HMOX2: variants seen among roughly 807,000 people sequenced by gnomAD.
The protein encoded by HMOX2 is heme oxygenase (decycling) 2.
Under a neutral mutation model 33.7 loss-of-function variants are expected in HMOX2, and 30 were observed. The observed-to-expected ratio is 0.89, with a 90% CI of 0.67 to 1.21. HMOX2 has a LOEUF of 1.21. HMOX2 is among the 50% of genes most tolerant of loss of function. HMOX2 has a pLI of 0.00. For missense variants in HMOX2, 403 were observed against 399.1 expected (o/e 1.01, Z -0.08); for synonymous variants, 155 against 155.0 (o/e 1.00, Z 0.00).
At chr16:4,489,182 G>A (rs1275841792) in intron 1 of HMOX2, among the ~76,000 whole-genome samples, 4 of 152,166 alleles carry the variant, frequency 2.6e-5, no homozygotes, top group Non-Finnish European at 5.9e-5. Flanking sequence ...GCCAGTTTAA[G>A]ACCAATGTAA....
chr16:4,478,634 G>C (rs919490995), intron 1 of HMOX2, among the ~76,000 whole-genome samples: 1 of 151,832 alleles, frequency 6.6e-6, no homozygotes, highest in Admixed American at 6.6e-5. Context: ...GCATGGTGGT[G>C]TGTGCCTGTA....
chr16:4,498,512 C>G (rs904823704), intron 1 of HMOX2, among the ~76,000 whole-genome samples: 4 of 151,840 alleles, frequency 2.6e-5, no homozygotes, highest in African/African-American at 9.7e-5. Flanking sequence ...GTGGTTGGGA[C>G]TACAGGTGTG....
At chr16:4,490,280 G>C (rs943048625) in intron 1 of HMOX2, among the ~76,000 whole-genome samples, 3 of 152,158 alleles carry the variant, frequency 2.0e-5, no homozygotes, top group African/African-American at 7.2e-5. Flanking sequence ...GAGCTGTTCT[G>C]ACTGAAGCAG....
intron 1 of HMOX2, among the ~76,000 whole-genome samples, chr16:4,489,193 T>G (rs1462027794): frequency 6.6e-6 from 1 of 152,180 alleles, no homozygotes; most frequent in Non-Finnish European, 1.5e-5. Context: ...ACCAATGTAA[T>G]GCAGCATTTT....
At chr16:4,481,324 G>C (rs2058024738) in intron 1 of HMOX2, among the ~76,000 whole-genome samples, 2 of 148,374 alleles carry the variant, frequency 1.3e-5, no homozygotes. Flanking sequence ...GCTCCAGCCT[G>C]GGAGACAGAG....
intron 1 of HMOX2, among the ~76,000 whole-genome samples, chr16:4,490,638 C>T (rs1195298607): frequency 1.3e-5 from 2 of 152,200 alleles, no homozygotes; most frequent in African/African-American, 2.4e-5. Flanking sequence ...TTCCCAGGAA[C>T]ATACTGTAAC....
At chr16:4,491,057 C>T (rs1375117105) in intron 1 of HMOX2, among the ~76,000 whole-genome samples, 1 of 152,180 alleles carries the variant, frequency 6.6e-6, no homozygotes, top group Non-Finnish European at 1.5e-5. Context: ...CAAACATTTC[C>T]ACGTCTCCAA....
At chr16:4,483,969 A>C (rs910636200) in intron 1 of HMOX2, among the ~76,000 whole-genome samples, 11 of 111,400 alleles carry the variant, frequency 9.9e-5, no homozygotes, top group South Asian at 7.9e-4. Flanking sequence ...GCATATGCCC[A>C]AAAATTTTTT....
At position 4,506,086 on chromosome 16, in the gene HMOX2, C is replaced by A. The variant is rs575335137; in HGVS notation, c.86+476C>A. 2.6e-5 allele frequency among the ~76,000 whole-genome samples: 4 copies of A among 151,822 alleles called. No homozygotes were observed. In the South Asian group the frequency reaches 6.2e-4, roughly 24 times the overall value. On this transcript the variant is annotated intron_variant, in intron 2 of 5. Transcript: ENST00000570646. The stretch of plus-strand genomic sequence containing the variant: ...GTCATTGGCCAAGTTTTTTTTTTAT[C>A]CCTTGAAATAATTGCTAATAATAAA...
At chr16:4,492,321 G>C (rs1009472840) in intron 1 of HMOX2, among the ~76,000 whole-genome samples, 1 of 150,384 alleles carries the variant, frequency 6.6e-6, no homozygotes, top group African/African-American at 2.5e-5. Flanking sequence ...GTAAAACCCT[G>C]TCTCTAAAAA....
chr16:4,505,523 C>T lies in HMOX2; in HGVS notation c.-2C>T. Reference sequence around the variant, plus strand: ...GAGCAGCAAGAACCACACCCAGCAGCAATGTCAGCGGAAGTGGAAACCTCA... The same window carrying T: ...GAGCAGCAAGAACCACACCCAGCAGTAATGTCAGCGGAAGTGGAAACCTCA... On this transcript the variant is annotated 5_prime_UTR_variant, in exon 2 of 6. Coordinates refer to ENST00000570646, the MANE Select transcript of HMOX2 (RefSeq NM_002134.4). The T allele has an allele frequency of 6.2e-7, 1 of 1,603,948 alleles. No homozygotes were observed. Among genetic ancestry groups the T allele is most frequent in the Non-Finnish European group, 8.5e-7 (1 of 1,174,556 alleles).
intron 1 of HMOX2, among the ~76,000 whole-genome samples, chr16:4,489,577 G>A (rs2058258054): frequency 6.6e-6 from 1 of 152,152 alleles, no homozygotes; most frequent in Non-Finnish European, 1.5e-5. Flanking sequence ...TCCTACCTCA[G>A]CCTCCCAGGT....
chr16:4,478,633 T>C (rs8046295), intron 1 of HMOX2, among the ~76,000 whole-genome samples: 101,373 of 151,580 alleles, frequency 0.67, 34,349 homozygotes, highest in Non-Finnish European at 0.72. Context: ...GGCATGGTGG[T>C]GTGTGCCTGT....
At chr16:4,507,400 G>A (rs999024918) in intron 3 of HMOX2, among the ~76,000 whole-genome samples, 9 of 151,436 alleles carry the variant, frequency 5.9e-5, no homozygotes, top group African/African-American at 1.2e-4. Flanking sequence ...AGCCGAGATC[G>A]TCCCACTGTA....
At chr16:4,479,726 ATTTTTTTTTTTTTTTTT>A (rs58936845) in intron 1 of HMOX2, among the ~76,000 whole-genome samples, 3 of 79,874 alleles carry the variant, frequency 3.8e-5, no homozygotes, top group African/African-American at 1.0e-4. Context: ...TTCTTATTCT[ATTTTTTTTTTTTTTTTT>A]TTTTTTTTTT....
chr16:4,484,460 C>CT (rs58092240), intron 1 of HMOX2, among the ~76,000 whole-genome samples: 10,541 of 118,212 alleles, frequency 0.089, 675 homozygotes, highest in Non-Finnish European at 0.14. Context: ...CTTTTCTTTT[C>CT]TTTTTTTTTT....
chr16:4,490,140 C>G (rs1418923693), intron 1 of HMOX2, among the ~76,000 whole-genome samples: 1 of 152,168 alleles, frequency 6.6e-6, no homozygotes, highest in African/African-American at 2.4e-5. Flanking sequence ...GGATGGATCA[C>G]AAAAGGCTTA....
chr16:4,500,303 A>G (rs2141587696), intron 1 of HMOX2, among the ~76,000 whole-genome samples: 1 of 152,342 alleles, frequency 6.6e-6, no homozygotes, highest in East Asian at 1.9e-4. Flanking sequence ...CAAGGTGTTC[A>G]GCAGGGAGGG....
In HMOX2 at chr16:4,505,624, G is replaced by C. The variant is rs765730474; in HGVS notation, c.86+14G>C. 7 of 1,559,474 alleles carry C rather than the reference G, an allele frequency of 4.5e-6. No individual in the cohort carries two copies. In the Admixed American group the frequency reaches 1.3e-4, roughly 28 times the overall value. Reference sequence around the variant, plus strand: ...GAACCAAATGAGGTGAGCGATGGGGGCTGGCTGCACTGAATCAGGTGGGCC... The same window carrying C: ...GAACCAAATGAGGTGAGCGATGGGGCCTGGCTGCACTGAATCAGGTGGGCC... On this transcript the variant is annotated intron_variant, in intron 2 of 5. Coordinates refer to ENST00000570646, the MANE Select transcript of HMOX2 (RefSeq NM_002134.4).
Sources: gnomAD v4.1 joint callset for allele counts (sites outside exome capture counted in the v4.1 genomes callset) on GRCh38, gnomAD v4.1.1 for gene constraint, MANE v1.5 for transcripts, NCBI Gene and HGNC (gene_info 2026-07-23, HGNC 2026-07-21) for gene names.